PCDHA13: variants seen among roughly 807,000 people sequenced by gnomAD.
PCDHA13 encodes the protein protocadherin alpha 13.
A neutral mutation model predicts 64.8 loss-of-function variants in PCDHA13; 54 were observed. The observed-to-expected ratio is 0.83, with a 90% CI of 0.67 to 1.04. The LOEUF is 1.04. Among genes scored for constraint, PCDHA13 ranks in the 50% least tolerant of loss-of-function variants. PCDHA13 has a pLI of 0.00. For synonymous variants in PCDHA13, 587 were observed against 564.4 expected, an observed-to-expected ratio of 1.04 and a Z score of -0.57; for missense variants, 1,248 against 1,254.3, an observed-to-expected ratio of 0.99 and a Z score of 0.08.
intron 1 of PCDHA13, among the ~76,000 whole-genome samples, chr5:140,963,380 G>A (rs1476855902): frequency 6.6e-6 from 1 of 152,198 alleles, no homozygotes; most frequent in Non-Finnish European, 1.5e-5. Context: ...GAGCACCTCT[G>A]TGCCAAGCTC....
chr5:140,966,934 G>A (rs782780798), intron 1 of PCDHA13: 6 of 1,604,080 alleles, frequency 3.7e-6, no homozygotes, highest in South Asian at 2.2e-5. Flanking sequence ...CACCCGGCGC[G>A]CTCGTGGGCA....
chr5:140,960,134 A>G (rs1480555997), intron 1 of PCDHA13, among the ~76,000 whole-genome samples: 10 of 152,232 alleles, frequency 6.6e-5, no homozygotes, highest in African/African-American at 2.2e-4. Context: ...TGAAATACTT[A>G]GATATTAATA....
intron 1 of PCDHA13, among the ~76,000 whole-genome samples, chr5:140,941,202 C>CTTTCTTTCTTTCTTTCTTTCTTT (rs1554213921): frequency 9.0e-5 from 11 of 122,780 alleles, no homozygotes; most frequent in East Asian, 8.9e-4. Flanking sequence ...TTTCTTTCTT[C>CTTTCTTTCTTTCTTTCTTTCTTT]CTTTCTTTCT....
Position 140,928,898 on chromosome 5 carries a change from A to T in PCDHA13, c.2394+44236A>T, listed in dbSNP as rs782530169. ...CCTCAGTTACTTCCAGACTTTGAAGATGTCTGGGAACCAGGAGGGCAGCTT... is the reference window on the plus strand; with the variant it reads ...CCTCAGTTACTTCCAGACTTTGAAGTTGTCTGGGAACCAGGAGGGCAGCTT... On this transcript the variant is annotated intron_variant, in intron 1 of 3. Coordinates refer to ENST00000289272, the MANE Select transcript of PCDHA13 (RefSeq NM_018904.3). 77 of 1,614,004 alleles carry T rather than the reference A, an allele frequency of 4.8e-5. No individual in the cohort carries two copies. The African/African-American group carries it at 7.2e-4, about 15-fold the overall frequency.
intron 1 of PCDHA13, among the ~76,000 whole-genome samples, chr5:140,953,652 G>A (rs2094921965): frequency 6.6e-6 from 1 of 152,102 alleles, no homozygotes; most frequent in South Asian, 2.1e-4. Context: ...AGCTATAGTT[G>A]TTATCTCTGG....
intron 1 of PCDHA13, among the ~76,000 whole-genome samples, chr5:140,953,053 T>G (rs1475683860): frequency 2.0e-5 from 3 of 152,142 alleles, no homozygotes; most frequent in African/African-American, 7.2e-5. Flanking sequence ...TCCAATCACC[T>G]CTCACAGGCC....
At chr5:140,956,953 C>T (rs1347983778) in intron 1 of PCDHA13, among the ~76,000 whole-genome samples, 1 of 135,202 alleles carries the variant, frequency 7.4e-6, no homozygotes, top group Non-Finnish European at 1.7e-5. Flanking sequence ...CATTAAAACA[C>T]TGTAATTAAT....
At chr5:141,004,188 TA>T (rs1391411358) in intron 3 of PCDHA13, among the ~76,000 whole-genome samples, 5 of 152,260 alleles carry the variant, frequency 3.3e-5, no homozygotes, top group African/African-American at 1.2e-4. Flanking sequence ...TGAGTGCTCT[TA>T]ACCAAAAGGA....
chr5:140,887,101 CTTT>C (rs200717289), intron 1 of PCDHA13, among the ~76,000 whole-genome samples: 1 of 145,292 alleles, frequency 6.9e-6, no homozygotes, highest in African/African-American at 2.5e-5. Flanking sequence ...ATCTTTATCT[CTTT>C]TTTTTTTTTT....
chr5:141,007,393 T>C (rs1485010105), intron 3 of PCDHA13, among the ~76,000 whole-genome samples: 2 of 23,410 alleles, frequency 8.5e-5, no homozygotes, highest in African/African-American at 2.3e-4. Context: ...TCTACTAAAA[T>C]ACAAAAAAAA....
At chr5:141,004,186 C>T (rs1554259505) in intron 3 of PCDHA13, among the ~76,000 whole-genome samples, 1 of 152,240 alleles carries the variant, frequency 6.6e-6, no homozygotes, top group Non-Finnish European at 1.5e-5. Flanking sequence ...CTTGAGTGCT[C>T]TTAACCAAAA....
rs1299546647 is a variant in PCDHA13 at position 140,935,314 on chromosome 5, A to T, written c.2395-43635A>T. 2.0e-5 allele frequency among the ~76,000 whole-genome samples: 3 copies of T among 152,208 alleles called. No homozygotes were observed. In the East Asian group the frequency reaches 5.8e-4, roughly 29 times the overall value. ...TCCGAGGTTTTTACTTAACTTCATC[A>T]ATCTTACATTCCTATTTCTCCCATA... On this transcript the variant is annotated intron_variant, in intron 1 of 3. Transcript: ENST00000289272.
intron 1 of PCDHA13, among the ~76,000 whole-genome samples, chr5:140,889,977 C>A (rs2062447126): frequency 6.6e-6 from 1 of 152,102 alleles, no homozygotes; most frequent in African/African-American, 2.4e-5. Flanking sequence ...ATCCAGTCTC[C>A]AGTTGTCTTA....
chr5:140,998,547 A>C (rs1173862918), intron 3 of PCDHA13, among the ~76,000 whole-genome samples: 4 of 150,288 alleles, frequency 2.7e-5, no homozygotes, highest in African/African-American at 9.8e-5. Flanking sequence ...TCCTAATTTA[A>C]TGTCTAATTT....
chr5:140,914,944 CTTTTT>C (rs35695909), intron 1 of PCDHA13, among the ~76,000 whole-genome samples: 1 of 128,266 alleles, frequency 7.8e-6, no homozygotes, highest in Non-Finnish European at 1.7e-5. Context: ...GAAAAGTTGT[CTTTTT>C]TTTTTTTTTT....
At chr5:140,933,073 T>C (rs1198976304) in intron 1 of PCDHA13, among the ~76,000 whole-genome samples, 1 of 152,026 alleles carries the variant, frequency 6.6e-6, no homozygotes, top group Non-Finnish European at 1.5e-5. Context: ...TAAAGTATTA[T>C]GGGAAGTAAG....
chr5:140,990,649 T>A (rs1465284882), intron 3 of PCDHA13, among the ~76,000 whole-genome samples: 1 of 152,330 alleles, frequency 6.6e-6, no homozygotes, highest in South Asian at 2.1e-4. Context: ...TCAGCCAGTA[T>A]GAATGATTTA....
chr5:140,963,438 CT>C (rs2095766112), intron 1 of PCDHA13, among the ~76,000 whole-genome samples: 1 of 152,242 alleles, frequency 6.6e-6, no homozygotes, highest in Admixed American at 6.5e-5. Context: ...TAACTTCATA[CT>C]CTGTTGCTAA....
Position 140,884,024 on chromosome 5 carries a change from G to T in PCDHA13, c.1756G>T (p.Gly586Cys). The T allele has an allele frequency of 1.2e-6, 2 of 1,613,318 alleles. No homozygotes were observed. Among genetic ancestry groups the T allele is most frequent in the South Asian group, 2.2e-5 (2 of 91,034 alleles). The part of the protein sequence containing the change: ...TVSELMPRSV[G>C]AGHVVAKVRA... ...GAGCGAGCTGATGCCGCGGTCGGTG[G>T]GTGCAGGCCACGTGGTGGCGAAGGT... The change falls in exon 1 of 4, where the codon GGT becomes TGT. Residue 586 changes from glycine to cysteine, a missense_variant. Gly to Cys is a radical substitution (Grantham distance 159). Transcript: ENST00000289272.
Sources: allele counts gnomAD v4.1 joint callset (sites outside exome capture counted in the v4.1 genomes callset), GRCh38; gene constraint gnomAD v4.1.1; transcripts MANE v1.5; gene names NCBI Gene and HGNC (gene_info 2026-07-23, HGNC 2026-07-21).